The following PTPRD variants were observed in gnomAD, a reference collection of about 807,000 sequenced individuals.
PTPRD encodes protein tyrosine phosphatase receptor type D.
In PTPRD, 34 loss-of-function variants were observed where a neutral mutation model predicts 214.5. That is an observed-to-expected ratio of 0.16 (90% CI 0.12 to 0.21). The LOEUF (loss-of-function observed/expected upper bound fraction) is 0.21. Among genes scored for constraint, PTPRD ranks in the 10% least tolerant of loss-of-function variants. PTPRD has a pLI of 1.00. For synonymous variants in PTPRD, 1,128 were observed against 845.7 expected, an observed-to-expected ratio of 1.33 and a Z score of -5.79; for missense variants, 2,545 against 2,398.7, an observed-to-expected ratio of 1.06 and a Z score of -1.27.
intron 11 of PTPRD, among the ~76,000 whole-genome samples, chr9:8,928,270 C>A (rs1301280669): frequency 5.9e-5 from 9 of 152,126 alleles, no homozygotes; most frequent in Non-Finnish European, 1.5e-5. Flanking sequence ...GTCATGAAGT[C>A]TTTGCCCATG....
intron 11 of PTPRD, among the ~76,000 whole-genome samples, chr9:8,917,462 C>G (rs531922744): frequency 9.9e-5 from 15 of 151,936 alleles, no homozygotes; most frequent in Admixed American, 3.3e-4. Flanking sequence ...TTCTATTTTC[C>G]TCTTTGCTCT....
intron 5 of PTPRD, among the ~76,000 whole-genome samples, chr9:9,832,411 G>A (rs1377091563): frequency 6.6e-6 from 1 of 151,934 alleles, no homozygotes; most frequent in Non-Finnish European, 1.5e-5. Flanking sequence ...GTTCTATATA[G>A]CAGATATTAC....
intron 11 of PTPRD, among the ~76,000 whole-genome samples, chr9:8,849,266 C>T (rs1474629735): frequency 2.7e-5 from 4 of 150,172 alleles, no homozygotes; most frequent in South Asian, 4.2e-4. Flanking sequence ...AGCTCCGCCT[C>T]TCGGGTTCAT....
chr9:8,660,429 C>A (rs1040389902), intron 12 of PTPRD, among the ~76,000 whole-genome samples: 2 of 152,116 alleles, frequency 1.3e-5, no homozygotes, highest in African/African-American at 2.4e-5. Context: ...CAGATGCATT[C>A]AAAAAGATAA....
At chr9:9,611,979 ATTT>A (rs1290249468) in intron 7 of PTPRD, among the ~76,000 whole-genome samples, 1 of 152,090 alleles carries the variant, frequency 6.6e-6, no homozygotes, top group African/African-American at 2.4e-5. Flanking sequence ...TATATCAGAT[ATTT>A]TTTAGTGTAA....
chr9:9,641,083 T>TTAAATTGAATTATGGA (rs776298199), intron 7 of PTPRD, among the ~76,000 whole-genome samples: 1 of 151,986 alleles, frequency 6.6e-6, no homozygotes, highest in Non-Finnish European at 1.5e-5. Context: ...TAATGAAAGC[T>TTAAATTGAATTATGGA]ATAGCTTTAA....
chr9:10,115,812 T>C (rs1482196042), intron 3 of PTPRD, among the ~76,000 whole-genome samples: 1 of 152,060 alleles, frequency 6.6e-6, no homozygotes, highest in Non-Finnish European at 1.5e-5. Flanking sequence ...AGATGCCTCT[T>C]AAATATAGGA....
chr9:9,249,575 G>A (rs541357433), intron 9 of PTPRD, among the ~76,000 whole-genome samples: 1 of 151,972 alleles, frequency 6.6e-6, no homozygotes, highest in Non-Finnish European at 1.5e-5. Flanking sequence ...CTGTGTCACT[G>A]ATTGCCTGGC....
intron 5 of PTPRD, among the ~76,000 whole-genome samples, chr9:9,904,252 A>T (rs2077046791): frequency 6.6e-6 from 1 of 152,112 alleles, no homozygotes; most frequent in African/African-American, 2.4e-5. Context: ...ACAAGAAATG[A>T]GAATCAGGAA....
intron 14 of PTPRD, among the ~76,000 whole-genome samples, chr9:8,531,089 G>T (rs1231486776): frequency 6.6e-6 from 1 of 152,034 alleles, no homozygotes; most frequent in Non-Finnish European, 1.5e-5. Context: ...TAAGTTGAAA[G>T]ATGTGGCTCA....
intron 5 of PTPRD, among the ~76,000 whole-genome samples, chr9:9,824,316 T>C (rs2051900280): frequency 6.6e-6 from 1 of 152,022 alleles, no homozygotes; most frequent in South Asian, 2.1e-4. Context: ...TACTTATGAC[T>C]GAAATTTATT....
chr9:9,626,175 C>A (rs1007125926), intron 7 of PTPRD, among the ~76,000 whole-genome samples: 6 of 152,180 alleles, frequency 3.9e-5, no homozygotes, highest in Admixed American at 3.9e-4. Flanking sequence ...TTGCTTCCAG[C>A]CCCACTCTCC....
At chr9:10,010,389 T>A (rs530214963) in intron 4 of PTPRD, among the ~76,000 whole-genome samples, 2 of 151,548 alleles carry the variant, frequency 1.3e-5, no homozygotes, top group Non-Finnish European at 2.9e-5. Flanking sequence ...TTTTCAGTAA[T>A]GTCTGCTTGT....
At chr9:9,662,221 C>T (rs892119699) in intron 7 of PTPRD, among the ~76,000 whole-genome samples, 10 of 151,610 alleles carry the variant, frequency 6.6e-5, no homozygotes, top group Non-Finnish European at 1.0e-4. Flanking sequence ...TATTACAGAA[C>T]CTGCTACTAT....
chr9:8,670,315 C>T (rs2097257489), intron 12 of PTPRD, among the ~76,000 whole-genome samples: 1 of 152,104 alleles, frequency 6.6e-6, no homozygotes, highest in Admixed American at 6.6e-5. Context: ...TCCTTTCCCT[C>T]CCCTGACCTG....
intron 2 of PTPRD, among the ~76,000 whole-genome samples, chr9:10,428,229 G>A (rs1371002153): frequency 6.6e-6 from 1 of 152,058 alleles, no homozygotes; most frequent in Admixed American, 6.6e-5. Context: ...TGAGGCGGGA[G>A]AATTGTTTGA....
At chr9:9,759,644 A>C (rs1274861357) in intron 6 of PTPRD, among the ~76,000 whole-genome samples, 1 of 141,260 alleles carries the variant, frequency 7.1e-6, no homozygotes, top group South Asian at 2.2e-4. Flanking sequence ...TGCAACCTCT[A>C]CCTCCCAGGT....
At chr9:9,480,087 T>C (rs1335953772) in intron 8 of PTPRD, among the ~76,000 whole-genome samples, 1 of 152,152 alleles carries the variant, frequency 6.6e-6, no homozygotes, top group African/African-American at 2.4e-5. Context: ...AAAAATGCCA[T>C]GAAAATACTG....
chr9:9,620,029 G>T (rs1324338678), intron 7 of PTPRD, among the ~76,000 whole-genome samples: 1 of 151,788 alleles, frequency 6.6e-6, no homozygotes, highest in African/African-American at 2.4e-5. Context: ...TTTGTTTTCA[G>T]TATGTAGAAT....
Sources: gnomAD v4.1 joint callset for allele counts (sites outside exome capture counted in the v4.1 genomes callset) on GRCh38, gnomAD v4.1.1 for gene constraint, MANE v1.5 for transcripts, NCBI Gene and HGNC (gene_info 2026-07-23, HGNC 2026-07-21) for gene names.